MCTP1: variants seen among roughly 807,000 people sequenced by gnomAD.
MCTP1 encodes multiple C2 and transmembrane domain-containing protein 1.
In MCTP1, 69 loss-of-function variants were observed where a neutral mutation model predicts 120.6. The observed-to-expected ratio is 0.57, with a 90% CI of 0.47 to 0.70. MCTP1 has a LOEUF of 0.70. MCTP1 is among the 30% of genes least tolerant of loss of function. MCTP1 has a pLI of 0.00. For missense variants in MCTP1, 1,203 were observed against 1,248.8 expected (o/e 0.96, Z 0.55); for synonymous variants, 529 against 493.1 (o/e 1.07, Z -0.96).
At chr5:95,189,016 A>G (rs928900607) in intron 1 of MCTP1, among the ~76,000 whole-genome samples, 1 of 152,200 alleles carries the variant, frequency 6.6e-6, no homozygotes, top group Admixed American at 6.5e-5. Context: ...AAAAAGGTGT[A>G]TTAAAGCAAA....
At chr5:95,070,374 T>TC in intron 1 of MCTP1, among the ~76,000 whole-genome samples, 1 of 152,224 alleles carries the variant, frequency 6.6e-6, no homozygotes, top group Non-Finnish European at 1.5e-5. Flanking sequence ...TCCAGCCTCC[T>TC]CTAGTTCTCT....
intron 18 of MCTP1, among the ~76,000 whole-genome samples, chr5:94,793,132 G>C (rs1013773674): frequency 5.3e-5 from 8 of 152,254 alleles, no homozygotes; most frequent in African/African-American, 1.9e-4. Context: ...GTGGTGGGGG[G>C]ACTTGGGATG....
intron 19 of MCTP1, among the ~76,000 whole-genome samples, chr5:94,733,745 C>G (rs1162251833): frequency 1.3e-5 from 2 of 152,082 alleles, no homozygotes; most frequent in Non-Finnish European, 1.5e-5. Context: ...GCAGGCAGAT[C>G]ACAAGGTCAG....
At chr5:94,727,172 A>G (rs548800276) in intron 19 of MCTP1, among the ~76,000 whole-genome samples, 56 of 152,354 alleles carry the variant, frequency 3.7e-4, no homozygotes, top group African/African-American at 1.3e-3. Context: ...GCTAGCATAG[A>G]CAAAACAGCA....
intron 20 of MCTP1, 89 bp downstream of exon 20, chr5:94,714,688 C>T: frequency 1.2e-6 from 1 of 806,106 alleles, no homozygotes; most frequent in Non-Finnish European, 2.2e-6. Context: ...GTGTCCCCTG[C>T]CAAAAAGAAT....
chr5:95,013,802 T>C (rs1220629550), intron 2 of MCTP1, among the ~76,000 whole-genome samples: 2 of 152,122 alleles, frequency 1.3e-5, no homozygotes, highest in African/African-American at 2.4e-5. Flanking sequence ...TAACACAACA[T>C]CCATTCTGCA....
intron 1 of MCTP1, among the ~76,000 whole-genome samples, chr5:95,125,476 C>T (rs1012554381): frequency 6.6e-6 from 1 of 152,212 alleles, no homozygotes; most frequent in African/African-American, 2.4e-5. Flanking sequence ...CTTCACCTGG[C>T]AGTCTCCTTG....
At chr5:94,799,364 A>G (rs971067464) in intron 17 of MCTP1, among the ~76,000 whole-genome samples, 1 of 152,070 alleles carries the variant, frequency 6.6e-6, no homozygotes, top group Non-Finnish European at 1.5e-5. Flanking sequence ...GGAAAAGTTG[A>G]TATCATTACG....
intron 2 of MCTP1, among the ~76,000 whole-genome samples, chr5:95,001,265 A>C (rs1833629325): frequency 6.6e-6 from 1 of 152,162 alleles, no homozygotes; most frequent in African/African-American, 2.4e-5. Context: ...AAAACAGACT[A>C]ATACAGTAAA....
chr5:95,228,800 G>A (rs893118083), intron 1 of MCTP1, among the ~76,000 whole-genome samples: 2 of 152,106 alleles, frequency 1.3e-5, no homozygotes, highest in African/African-American at 2.4e-5. Flanking sequence ...GCACCTCCCC[G>A]CAACTCTCTC....
chr5:95,217,040 A>G (rs1253204224), intron 1 of MCTP1, among the ~76,000 whole-genome samples: 2 of 152,220 alleles, frequency 1.3e-5, no homozygotes, highest in Non-Finnish European at 2.9e-5. Context: ...GGAATCCACA[A>G]CTGAAAATGC....
chr5:95,020,365 C>T (rs1837964650), intron 1 of MCTP1, among the ~76,000 whole-genome samples: 2 of 152,060 alleles, frequency 1.3e-5, no homozygotes, highest in South Asian at 4.1e-4. Context: ...CAGAATTTAA[C>T]ATTTAGTTAA....
chr5:95,105,199 C>A (rs1757000273), intron 1 of MCTP1, among the ~76,000 whole-genome samples: 1 of 152,102 alleles, frequency 6.6e-6, no homozygotes, highest in Admixed American at 6.5e-5. Context: ...CAGTCTAGCT[C>A]CAGAAAACTT....
intron 2 of MCTP1, among the ~76,000 whole-genome samples, chr5:94,985,346 C>G (rs1318701112): frequency 1.3e-5 from 2 of 152,056 alleles, no homozygotes; most frequent in African/African-American, 2.4e-5. Context: ...ATTTGAAGCC[C>G]CAGTCATTCG....
Position 94,974,754 on chromosome 5 carries a change from A to G in MCTP1, c.839-21393T>C, listed in dbSNP as rs374834887. Among the ~76,000 whole-genome samples, 28 of 152,196 alleles carry G rather than the reference A, an allele frequency of 1.8e-4. No homozygotes were observed. The East Asian group carries it at 5.0e-3, about 27-fold the overall frequency. ...AAAAATGATTATGACCCTAAAAAAA[A>G]CCAAAAAAATCTCCTTATCAGCTAA... On this transcript the variant is annotated intron_variant, in intron 2 of 22. Coordinates refer to ENST00000515393, the MANE Select transcript of MCTP1 (RefSeq NM_024717.7).
At chr5:95,245,675 C>T (rs1233878193) in intron 1 of MCTP1, among the ~76,000 whole-genome samples, 1 of 151,404 alleles carries the variant, frequency 6.6e-6, no homozygotes, top group African/African-American at 2.4e-5. Flanking sequence ...AAATATGAGA[C>T]TATGTGAAAA....
intron 1 of MCTP1, among the ~76,000 whole-genome samples, chr5:95,272,917 C>G (rs1415232921): frequency 6.6e-6 from 1 of 152,240 alleles, no homozygotes; most frequent in Non-Finnish European, 1.5e-5. Flanking sequence ...CAAGGTCAGA[C>G]AGGACTGGGC....
At chr5:95,112,751 T>C (rs1757552395) in intron 1 of MCTP1, among the ~76,000 whole-genome samples, 1 of 152,140 alleles carries the variant, frequency 6.6e-6, no homozygotes. Flanking sequence ...GTTAAAAATG[T>C]GAAATAAAAA....
chr5:94,914,261 T>G (rs530250916), intron 8 of MCTP1, among the ~76,000 whole-genome samples: 2 of 152,230 alleles, frequency 1.3e-5, no homozygotes, highest in Non-Finnish European at 2.9e-5. Context: ...CCTCTCAACC[T>G]CAAAGTACAC....
Sources: allele counts gnomAD v4.1 joint callset (sites outside exome capture counted in the v4.1 genomes callset), GRCh38; gene constraint gnomAD v4.1.1; transcripts MANE v1.5; gene names NCBI Gene and HGNC (gene_info 2026-07-23, HGNC 2026-07-21).